Variants in PHC3 observed in about 807,000 individuals in gnomAD.
PHC3 encodes the protein polyhomeotic homolog 3.
PHC3 carries 13 observed loss-of-function variants against 107.4 expected under a neutral mutation model. That is an observed-to-expected ratio of 0.12 (90% CI 0.08 to 0.19). The LOEUF (loss-of-function observed/expected upper bound fraction) is 0.19, where lower values mean the gene tolerates loss of function less well. PHC3 is among the 10% of genes least tolerant of loss of function. The pLI is 1.00. For missense variants in PHC3, 992 were observed against 1,210.9 expected, an observed-to-expected ratio of 0.82 and a Z score of 2.68; for synonymous variants, 456 against 427.4, an observed-to-expected ratio of 1.07 and a Z score of -0.83.
chr3:170,140,213 G>A (rs1723812820), intron 6 of PHC3, among the ~76,000 whole-genome samples: 2 of 147,880 alleles, frequency 1.4e-5, no homozygotes, highest in African/African-American at 5.0e-5. Context: ...AATACTCTTA[G>A]AATTGAGGAA....
At chr3:170,142,183 C>T (rs182566510) in intron 6 of PHC3, among the ~76,000 whole-genome samples, 55 of 152,158 alleles carry the variant, frequency 3.6e-4, no homozygotes, top group African/African-American at 1.3e-3. Context: ...CTATCAGACA[C>T]TTCTATTTTA....
intron 9 of PHC3, among the ~76,000 whole-genome samples, chr3:170,121,540 T>C (rs141330146): frequency 0.012 from 1,855 of 152,288 alleles, 40 homozygotes; most frequent in African/African-American, 0.042. Flanking sequence ...ACAAGAACTT[T>C]TTTTTAAGAG....
At chr3:170,108,634 T>C (rs1717025355) in intron 11 of PHC3, among the ~76,000 whole-genome samples, 1 of 152,112 alleles carries the variant, frequency 6.6e-6, no homozygotes, top group Non-Finnish European at 1.5e-5. Flanking sequence ...ACCAACACAT[T>C]CCTGAGACCT....
At chr3:170,128,111 T>C (rs1307012171) in intron 8 of PHC3, among the ~76,000 whole-genome samples, 2 of 152,188 alleles carry the variant, frequency 1.3e-5, no homozygotes, top group East Asian at 3.8e-4. Context: ...CAGTTAAATT[T>C]TTGGCAAAGC....
chr3:170,096,328 A>G lies in PHC3; in HGVS notation c.*902T>C, dbSNP rs1714640355. ...ATTCCTTTGGGTGAAAACAATATTT[A>G]TCACTCCTTCTATATCAGAGTTTCT... On this transcript the variant is annotated 3_prime_UTR_variant, in exon 15 of 15. Transcript: ENST00000495893. 1 of 152,174 alleles carries G rather than the reference A, an allele frequency of 6.6e-6. No homozygotes were observed. The highest frequency in any genetic ancestry group is 2.1e-4 in the South Asian group (1 of 4,834). 9.4% of individuals were successfully genotyped at this position (152,174 alleles called of 1,614,324 possible).
At chr3:170,165,426 G>A (rs1007178630) in intron 4 of PHC3, among the ~76,000 whole-genome samples, 2 of 152,156 alleles carry the variant, frequency 1.3e-5, no homozygotes, top group South Asian at 4.2e-4. Flanking sequence ...ACAACCAATA[G>A]AAGCCAATAC....
intron 2 of PHC3, among the ~76,000 whole-genome samples, chr3:170,176,582 G>C (rs1730525152): frequency 6.6e-6 from 1 of 152,170 alleles, no homozygotes; most frequent in Admixed American, 6.5e-5. Context: ...GAACTAGCTA[G>C]GTGAGTTTGG....
chr3:170,123,356 T>TACACACACACACACAC (rs3980601), intron 8 of PHC3, among the ~76,000 whole-genome samples: 5,146 of 149,878 alleles, frequency 0.034, 165 homozygotes, highest in African/African-American at 0.087. Flanking sequence ...TTGAAATGCA[T>TACACACACACACACAC]ACACACACAC....
At position 170,088,032 on chromosome 3, in the gene PHC3, C is replaced by G. The variant is rs1194921136; in HGVS notation, c.*9198G>C. 6.6e-6 allele frequency: 1 copy of G among 152,128 alleles called. No individual in the cohort carries two copies. The highest frequency in any genetic ancestry group is 6.5e-5 in the Admixed American group (1 of 15,284). The allele number at this position is 152,128 out of a possible 1,614,324, so 9.4% of individuals were successfully genotyped here. Reference sequence around the variant, plus strand: ...CAGGTTATACATTTTAAAACTGTAGCTATCAACACCAATCTAGGAACTCTA... The same window carrying G: ...CAGGTTATACATTTTAAAACTGTAGGTATCAACACCAATCTAGGAACTCTA... On this transcript the variant is annotated 3_prime_UTR_variant, in exon 15 of 15. Coordinates refer to ENST00000495893, the MANE Select transcript of PHC3 (RefSeq NM_024947.4).
chr3:170,165,584 T>A (rs1176424989), intron 4 of PHC3, among the ~76,000 whole-genome samples: 1 of 151,018 alleles, frequency 6.6e-6, no homozygotes, highest in African/African-American at 2.4e-5. Context: ...AGAAACCCCG[T>A]CTCTACTAAA....
chr3:170,160,755 A>T (rs1727753320), intron 4 of PHC3, among the ~76,000 whole-genome samples: 1 of 152,114 alleles, frequency 6.6e-6, no homozygotes, highest in Non-Finnish European at 1.5e-5. Flanking sequence ...ATACAAAAAA[A>T]ATTAGCTGGG....
chr3:170,162,105 A>T (rs886503100), intron 4 of PHC3, among the ~76,000 whole-genome samples: 2 of 152,236 alleles, frequency 1.3e-5, no homozygotes. Context: ...ACTTGCCATA[A>T]GTCACATTAA....
At position 170,148,261 on chromosome 3, in the gene PHC3, T is replaced by G. The variant is rs944791041; in HGVS notation, c.573+825A>C. The G allele has an allele frequency of 2.6e-5, 4 of 152,134 alleles. No homozygotes were observed. In the East Asian group the frequency reaches 5.8e-4, roughly 22 times the overall value. The allele number at this position is 152,134 out of a possible 1,614,324, so 9.4% of individuals were successfully genotyped here. A position where few individuals can be genotyped will look rare whatever the true frequency, so the allele number is the denominator to read the frequency against. On this transcript the variant is annotated intron_variant, in intron 5 of 14. Transcript: ENST00000495893. ...TCTAGCCTGGGTGACAGAGTGAGAC[T>G]TCACCTCAAAAAACAATAACAACAA...
chr3:170,126,528 A>ATATTTTTTTTT (rs370421296), intron 8 of PHC3, among the ~76,000 whole-genome samples: 1 of 90,638 alleles, frequency 1.1e-5, no homozygotes, highest in African/African-American at 4.5e-5. Flanking sequence ...ATATATATAT[A>ATATTTTTTTTT]TTTTTTTTTT....
Position 170,102,831 on chromosome 3 carries a change from C to T in PHC3, c.2572G>A (p.Gly858Arg). The T allele has an allele frequency of 6.2e-7, 1 of 1,613,928 alleles. No individual in the cohort carries two copies. The highest frequency in any genetic ancestry group is 8.5e-7 in the Non-Finnish European group (1 of 1,179,862). ...CTAAGGATATGTTCTCTCGCTGCCC[C>T]ATCAGGGCCACTTGGACGACGGCCA... ...HRGRRPSGPD[G>R]AAREHILRQL... Residue 858 changes from glycine to arginine, a missense_variant, in exon 13 of 15, where the codon GGG becomes AGG. Physicochemically the swap from Gly to Arg is moderately radical, Grantham distance 125. This residue lies in a region of PHC3 where 228 missense variants were observed against 288.8 expected (regional missense o/e 0.79). Transcript: ENST00000495893.
chr3:170,133,653 G>A (rs1258929831), intron 7 of PHC3, among the ~76,000 whole-genome samples: 2 of 152,094 alleles, frequency 1.3e-5, no homozygotes, highest in African/African-American at 4.8e-5. Flanking sequence ...AAGGAAAATT[G>A]GAGTATATGT....
At position 170,106,963 on chromosome 3, in the gene PHC3, C is replaced by T. The variant is rs1354423986; in HGVS notation, c.2354-17G>A. 1 of 1,561,268 alleles carries T rather than the reference C, an allele frequency of 6.4e-7. No individual in the cohort carries two copies. Among genetic ancestry groups the T allele is most frequent in the African/African-American group, 1.4e-5 (1 of 72,048 alleles). On this transcript the variant is annotated splice_polypyrimidine_tract_variant and intron_variant, in intron 11 of 14. Transcript: ENST00000495893. ...CTAATGTCTCTAAAAAAGAAGGAAA[C>T]AAAGGAAAAAAAGGTTCCAAAAATT...
chr3:170,109,336 C>T (rs1273430857), intron 11 of PHC3, among the ~76,000 whole-genome samples: 1 of 152,034 alleles, frequency 6.6e-6, no homozygotes, highest in East Asian at 1.9e-4. Context: ...CTCACAAATT[C>T]CAGATGGTGC....
In PHC3 at chr3:170,090,724, TGAG is replaced by T. The variant is rs1386522819; in HGVS notation, c.*6503_*6505del. The T allele has an allele frequency of 6.6e-6, 1 of 152,092 alleles. No individual in the cohort carries two copies. The highest frequency in any genetic ancestry group is 1.5e-5 in the Non-Finnish European group (1 of 68,020). The allele number at this position is 152,092 out of a possible 1,614,324, so 9.4% of individuals were successfully genotyped here. On this transcript the variant is annotated 3_prime_UTR_variant, in exon 15 of 15. Transcript: ENST00000495893. ...GATGAATTAAACCAAAATCAACTTT[TGAG>T]TAGTACAGGCACCATACTGCATATC...
Sources: gnomAD v4.1 joint callset for allele counts (sites outside exome capture counted in the v4.1 genomes callset) on GRCh38, gnomAD v4.1.1 for gene constraint, gnomAD v4.1.1 regional missense constraint, MANE v1.5 for transcripts, NCBI Gene and HGNC (gene_info 2026-07-23, HGNC 2026-07-21) for gene names.